Variants in NAV1 observed in about 807,000 individuals in gnomAD.
NAV1 encodes neuron navigator 1, also known as pore membrane and/or filament interacting like protein 3.
A neutral mutation model predicts 175.2 loss-of-function variants in NAV1; 18 were observed. The observed-to-expected ratio is 0.10, with a 90% CI of 0.07 to 0.15. The LOEUF (loss-of-function observed/expected upper bound fraction) is 0.15, where lower values mean the gene tolerates loss of function less well. Among genes scored for constraint, NAV1 ranks in the 10% least tolerant of loss-of-function variants. NAV1 has a pLI of 1.00. For missense variants in NAV1, 1,731 were observed against 2,436.6 expected (o/e 0.71, Z 6.10); for synonymous variants, 897 against 978.7 (o/e 0.92, Z 1.56).
intron 2 of NAV1, among the ~76,000 whole-genome samples, chr1:201,639,711 G>T (rs1454050961): frequency 1.3e-5 from 2 of 152,120 alleles, no homozygotes; most frequent in Non-Finnish European, 2.9e-5. Context: ...CCTTCAACCA[G>T]TTTCCACTCC....
chr1:201,722,958 A>C (rs189247036), intron 3 of NAV1, among the ~76,000 whole-genome samples: 4 of 152,222 alleles, frequency 2.6e-5, no homozygotes, highest in Non-Finnish European at 4.4e-5. Context: ...CCAAAACTAC[A>C]AAAACTAGCT....
At chr1:201,608,533 C>T (rs989002429) in intron 2 of NAV1, among the ~76,000 whole-genome samples, 22 of 152,288 alleles carry the variant, frequency 1.4e-4, no homozygotes, top group South Asian at 4.1e-4. Context: ...ACAGGCAGAA[C>T]GGAGGCAGTT....
intron 1 of NAV1, among the ~76,000 whole-genome samples, chr1:201,550,042 G>C (rs1665807324): frequency 6.6e-6 from 1 of 150,510 alleles, no homozygotes; most frequent in Admixed American, 6.6e-5. Context: ...AAAAGACCTG[G>C]GTGCCCGCCG....
At chr1:201,546,686 C>T (rs1289174332) in intron 1 of NAV1, among the ~76,000 whole-genome samples, 2 of 151,920 alleles carry the variant, frequency 1.3e-5, no homozygotes, top group African/African-American at 2.4e-5. Flanking sequence ...GGGTGGGTCA[C>T]GAGATCAGGA....
At chr1:201,785,471 T>C (rs1676674416) in intron 8 of NAV1, 120 bp downstream of exon 12, 1 of 1,055,300 alleles carries the variant, frequency 9.5e-7, no homozygotes, top group Non-Finnish European at 1.4e-6. Context: ...AGCTGAATCA[T>C]TTGTATGTGG....
intron 1 of NAV1, among the ~76,000 whole-genome samples, chr1:201,561,514 AAAG>A (rs1340972306): frequency 6.6e-6 from 1 of 152,228 alleles, no homozygotes; most frequent in East Asian, 1.9e-4. Context: ...TGTGAGAATT[AAAG>A]AAGATTAAAT....
chr1:201,635,709 C>A (rs1176624794), intron 2 of NAV1, among the ~76,000 whole-genome samples: 2 of 152,294 alleles, frequency 1.3e-5, no homozygotes, highest in South Asian at 4.1e-4. Flanking sequence ...ACCCCCTATA[C>A]CCAATACCTA....
chr1:201,581,618 C>T (rs1033164906), intron 1 of NAV1, among the ~76,000 whole-genome samples: 81 of 152,094 alleles, frequency 5.3e-4, no homozygotes, highest in African/African-American at 2.0e-3. Context: ...CACCTGAGGT[C>T]AGGAGTTCCA....
chr1:201,674,981 A>G (rs1351424597), intron 1 of NAV1, among the ~76,000 whole-genome samples: 1 of 151,126 alleles, frequency 6.6e-6, no homozygotes, highest in African/African-American at 2.4e-5. Context: ...TTGAGGGTGC[A>G]GTGAGCGGAG....
intron 28 of NAV1, among the ~76,000 whole-genome samples, chr1:201,816,674 C>T (rs1435970692): frequency 2.9e-4 from 30 of 102,840 alleles, no homozygotes; most frequent in South Asian, 6.8e-4. Flanking sequence ...AGGAAGTGCA[C>T]TTTTTTTTTT....
intron 3 of NAV1, among the ~76,000 whole-genome samples, chr1:201,763,833 A>G (rs189399434): frequency 3.9e-5 from 6 of 152,256 alleles, no homozygotes; most frequent in African/African-American, 4.8e-5. Context: ...CTCTAATCCA[A>G]TTGCATCCAT....
chr1:201,695,137 T>C (rs1671134854), intron 1 of NAV1, among the ~76,000 whole-genome samples: 1 of 152,244 alleles, frequency 6.6e-6, no homozygotes, highest in Non-Finnish European at 1.5e-5. Context: ...GACCAGCCTC[T>C]TCCATGCTCA....
chr1:201,706,902 C>T (rs1671693720), intron 1 of NAV1, among the ~76,000 whole-genome samples: 1 of 152,170 alleles, frequency 6.6e-6, no homozygotes, highest in Admixed American at 6.5e-5. Context: ...TCTCCTTCTT[C>T]CTGAACGTCT....
At chr1:201,602,637 G>GTT (rs386369319) in intron 2 of NAV1, among the ~76,000 whole-genome samples, 36 of 114,426 alleles carry the variant, frequency 3.1e-4, no homozygotes, top group African/African-American at 7.5e-4. Context: ...CTTAAGCTAT[G>GTT]TTTTTTTTTT....
At chr1:201,789,229 A>T (rs1676955524) in intron 10 of NAV1, among the ~76,000 whole-genome samples, 1 of 152,144 alleles carries the variant, frequency 6.6e-6, no homozygotes, top group Non-Finnish European at 1.5e-5. Context: ...GACATGCTTT[A>T]GTTCTCACCA....
At chr1:201,629,766 A>G (rs1236688593) in intron 2 of NAV1, among the ~76,000 whole-genome samples, 4 of 152,184 alleles carry the variant, frequency 2.6e-5, no homozygotes, top group Admixed American at 2.6e-4. Context: ...TGTGTGTGTC[A>G]TGTGAGAAGT....
At chr1:201,556,295 G>A (rs1666008493) in intron 1 of NAV1, among the ~76,000 whole-genome samples, 1 of 152,106 alleles carries the variant, frequency 6.6e-6, no homozygotes, top group Non-Finnish European at 1.5e-5. Context: ...GTGGGTGTCT[G>A]TAGTCCCAGC....
intron 1 of NAV1, among the ~76,000 whole-genome samples, chr1:201,570,443 A>G (rs992001134): frequency 2.6e-5 from 4 of 152,232 alleles, no homozygotes; most frequent in Non-Finnish European, 5.9e-5. Flanking sequence ...GCAGATGGGA[A>G]AGGGCTCTCC....
chr1:201,627,827 T>C (rs1453629862), intron 1 of NAV1, among the ~76,000 whole-genome samples: 1 of 152,104 alleles, frequency 6.6e-6, no homozygotes, highest in Non-Finnish European at 1.5e-5. Flanking sequence ...TTGGCACTTG[T>C]GTACTTGGAC....
Sources: gnomAD v4.1 joint callset for allele counts (sites outside exome capture counted in the v4.1 genomes callset) on GRCh38, gnomAD v4.1.1 for gene constraint, MANE v1.5 for transcripts, NCBI Gene and HGNC (gene_info 2026-07-23, HGNC 2026-07-21) for gene names.